Variants in RAB28 observed in about 807,000 individuals in gnomAD.
The protein encoded by RAB28 is ras-related protein Rab-28.
Under a neutral mutation model 31.7 loss-of-function variants are expected in RAB28, and 24 were observed. That is an observed-to-expected ratio of 0.76 (90% confidence interval 0.55 to 1.06). RAB28 has a LOEUF of 1.06. RAB28 is among the 50% of genes least tolerant of loss of function. RAB28 has a pLI of 0.00. For synonymous variants in RAB28, 100 were observed against 90.4 expected (o/e 1.11, Z -0.60); for missense variants, 254 against 258.5 (o/e 0.98, Z 0.12).
intron 4 of RAB28, among the ~76,000 whole-genome samples, chr4:13,443,449 G>A (rs1385444876): frequency 2.0e-5 from 3 of 152,174 alleles, no homozygotes; most frequent in Non-Finnish European, 4.4e-5. Context: ...TGGGATTACA[G>A]GCGTGAGCCA....
chr4:13,369,813 G>A, intron 6 of RAB28: 1 of 1,469,678 alleles, frequency 6.8e-7, no homozygotes, highest in Non-Finnish European at 9.2e-7. Flanking sequence ...GAACAAGATA[G>A]CATTCAATGG....
At position 13,381,920 on chromosome 4, in the gene RAB28, C is replaced by CT. The variant is rs1729150559; in HGVS notation, c.392-327_392-326insA. On this transcript the variant is annotated intron_variant, in intron 4 of 6. Coordinates refer to ENST00000330852, the MANE Select transcript of RAB28 (RefSeq NM_001017979.3). ...GTTCAGGCACACTGATGATGCTCAACAAAGATCTACTTAATATAGTACATT... is the reference window on the plus strand; with the variant it reads ...GTTCAGGCACACTGATGATGCTCAACTAAAGATCTACTTAATATAGTACATT... Among the ~76,000 whole-genome samples, 4 of 152,192 alleles carry CT rather than the reference C, an allele frequency of 2.6e-5. No homozygotes were observed. The South Asian group carries it at 8.3e-4, about 32-fold the overall frequency.
intron 4 of RAB28, among the ~76,000 whole-genome samples, chr4:13,396,162 C>CT (rs2108895771): frequency 6.6e-6 from 1 of 152,104 alleles, no homozygotes. Flanking sequence ...ATGTCACTGT[C>CT]TAACTTAAAA....
rs181506896 is a variant in RAB28 at position 13,450,972 on chromosome 4, A to C, written c.391+9727T>G. ...AGAGCTCAATCCCCTAACATTGGTA[A>C]ATTTGGGTAAGGAGTTTGGATTTCA... On this transcript the variant is annotated intron_variant, in intron 4 of 6. Coordinates refer to ENST00000330852, the MANE Select transcript of RAB28 (RefSeq NM_001017979.3). Among the ~76,000 whole-genome samples the C allele has an allele frequency of 9.5e-4, 144 of 152,010 alleles. 1 individual carries two copies. The highest frequency in any genetic ancestry group is 3.3e-3 in the African/African-American group (136 of 41,566).
At chr4:13,419,415 A>G (rs1712986440) in intron 4 of RAB28, among the ~76,000 whole-genome samples, 1 of 152,240 alleles carries the variant, frequency 6.6e-6, no homozygotes, top group Non-Finnish European at 1.5e-5. Flanking sequence ...AGATATCTAC[A>G]GAACTCTCCA....
intron 3 of RAB28, among the ~76,000 whole-genome samples, chr4:13,462,281 A>G (rs1395106933): frequency 2.6e-5 from 4 of 152,196 alleles, no homozygotes; most frequent in African/African-American, 9.6e-5. Flanking sequence ...TTTTTAAGCT[A>G]TCAATGTGAT....
intron 4 of RAB28, among the ~76,000 whole-genome samples, chr4:13,424,448 C>T (rs1713357014): frequency 6.6e-6 from 1 of 152,176 alleles, no homozygotes; most frequent in African/African-American, 2.4e-5. Context: ...TGTCTCTCTT[C>T]TCGTAAGTCA....
chr4:13,427,725 G>GAATGCT (rs1713584430), intron 4 of RAB28, among the ~76,000 whole-genome samples: 1 of 152,162 alleles, frequency 6.6e-6, no homozygotes, highest in Non-Finnish European at 1.5e-5. Flanking sequence ...AAAATTCCCA[G>GAATGCT]AATGCAAACG....
At chr4:13,473,566 T>C (rs1186968862) in intron 3 of RAB28, among the ~76,000 whole-genome samples, 1 of 151,838 alleles carries the variant, frequency 6.6e-6, no homozygotes, top group Non-Finnish European at 1.5e-5. Context: ...AAAAGACAAT[T>C]CTTCACTGAA....
chr4:13,449,904 A>C (rs1011789670), intron 4 of RAB28, among the ~76,000 whole-genome samples: 1 of 151,864 alleles, frequency 6.6e-6, no homozygotes, highest in African/African-American at 2.4e-5. Flanking sequence ...CCAACTGAGA[A>C]TGTTAGCTAG....
chr4:13,465,803 T>C, intron 3 of RAB28, among the ~76,000 whole-genome samples: 1 of 146,374 alleles, frequency 6.8e-6, no homozygotes, highest in African/African-American at 2.7e-5. Flanking sequence ...GCAGGCATCA[T>C]ACTACTTGAT....
intron 4 of RAB28, among the ~76,000 whole-genome samples, chr4:13,385,790 G>A (rs1208293188): frequency 6.6e-6 from 1 of 152,034 alleles, no homozygotes; most frequent in African/African-American, 2.4e-5. Flanking sequence ...ATAATAACCA[G>A]CTAACCTCAT....
rs139031700 is a variant in RAB28, at chr4:13,441,252, G to C, written c.391+19447C>G. On this transcript the variant is annotated intron_variant, in intron 4 of 6. Transcript: ENST00000330852. ...CTTAATTTAAAGGCATTTCAAAGTA[G>C]GGAAAACTGAAAACATGCCTTTAAT... 4.0e-4 allele frequency among the ~76,000 whole-genome samples: 61 copies of C among 152,206 alleles called. No homozygotes were observed. The East Asian group carries it at 8.3e-3, about 21-fold the overall frequency.
At chr4:13,381,913 T>C (rs1729150475) in intron 4 of RAB28, among the ~76,000 whole-genome samples, 2 of 152,192 alleles carry the variant, frequency 1.3e-5, no homozygotes, top group African/African-American at 4.8e-5. Context: ...ACACTGATGA[T>C]GCTCAACAAA....
Position 13,368,364 on chromosome 4 carries a change from G to T in RAB28, c.*194C>A, listed in dbSNP as rs191458805. On this transcript the variant is annotated 3_prime_UTR_variant, in exon 7 of 7. Coordinates refer to ENST00000330852, the MANE Select transcript of RAB28 (RefSeq NM_001017979.3). Reference sequence around the variant, plus strand: ...TTCCATTTTGAATTCAAAGTGTGTGGTCCCAAAGTTGAATTCTTTCAAATC... The same window carrying T: ...TTCCATTTTGAATTCAAAGTGTGTGTTCCCAAAGTTGAATTCTTTCAAATC... 5,599 of 1,228,956 alleles carry T rather than the reference G, an allele frequency of 4.6e-3. 15 individuals are homozygous for T. The highest frequency in any genetic ancestry group is 5.3e-3 in the Non-Finnish European group (5,238 of 985,002). 76.1% of individuals were successfully genotyped at this position (1,228,956 alleles called of 1,614,324 possible). A position where few individuals can be genotyped will look rare whatever the true frequency, so the allele number is the denominator to read the frequency against.
At chr4:13,446,909 A>G (rs1391700558) in intron 4 of RAB28, among the ~76,000 whole-genome samples, 2 of 152,056 alleles carry the variant, frequency 1.3e-5, no homozygotes, top group African/African-American at 2.4e-5. Flanking sequence ...CACACTTAAC[A>G]TATCTAAAAC....
intron 4 of RAB28, among the ~76,000 whole-genome samples, chr4:13,386,665 C>A (rs905377455): frequency 7.2e-5 from 11 of 152,184 alleles, no homozygotes; most frequent in African/African-American, 2.7e-4. Flanking sequence ...TAAATTACTT[C>A]AACCATTGTT....
intron 4 of RAB28, among the ~76,000 whole-genome samples, chr4:13,412,863 A>G (rs780383643): frequency 1.3e-5 from 2 of 152,124 alleles, no homozygotes; most frequent in Non-Finnish European, 2.9e-5. Context: ...AGATAATAGG[A>G]AGTGATGAAA....
chr4:13,380,268 G>T (rs1390999533), intron 5 of RAB28, among the ~76,000 whole-genome samples: 1 of 152,044 alleles, frequency 6.6e-6, no homozygotes, highest in East Asian at 1.9e-4. Flanking sequence ...TATTTTAGGT[G>T]TAAAACTATA....
Sources: gnomAD v4.1 joint callset for allele counts (sites outside exome capture counted in the v4.1 genomes callset) on GRCh38, gnomAD v4.1.1 for gene constraint, MANE v1.5 for transcripts, NCBI Gene and HGNC (gene_info 2026-07-23, HGNC 2026-07-21) for gene names.